Variants in PCDHGA12 observed in about 807,000 individuals in gnomAD.
PCDHGA12 encodes protocadherin gamma subfamily A, 12.
PCDHGA12 carries 43 observed loss-of-function variants against 61.1 expected under a neutral mutation model. The ratio of observed to expected loss-of-function variants is 0.70; its 90% CI spans 0.55 to 0.91. The LOEUF (loss-of-function observed/expected upper bound fraction) is 0.91. PCDHGA12 is among the 40% of genes least tolerant of loss of function. The pLI is 0.00. For missense variants in PCDHGA12, 1,236 were observed against 1,227.7 expected (o/e 1.01, Z -0.10); for synonymous variants, 520 against 542.9 (o/e 0.96, Z 0.59).
chr5:141,433,045 C>T lies in PCDHGA12; in HGVS notation c.2286C>T (p.Asp762=), dbSNP rs1183696623. The T allele has an allele frequency of 6.2e-7, 1 of 1,614,196 alleles. No individual in the cohort carries two copies. Among genetic ancestry groups the T allele is most frequent in the South Asian group, 1.1e-5 (1 of 91,090 alleles). The change falls in exon 1 of 4, where the codon GAC becomes GAT. Residue 762 remains aspartate (D), a synonymous_variant. Transcript: ENST00000252085. Reference sequence around the variant, plus strand: ...CCCACGAGGTTTCCCTCACCACGGACTCGCGGAAGAGTCACCTGATCTTCC... The same window carrying T: ...CCCACGAGGTTTCCCTCACCACGGATTCGCGGAAGAGTCACCTGATCTTCC... ...TYSHEVSLTT[D]SRKSHLIFPQ...
chr5:141,453,870 C>A (rs932804656), intron 1 of PCDHGA12, among the ~76,000 whole-genome samples: 2 of 152,146 alleles, frequency 1.3e-5, no homozygotes, highest in African/African-American at 4.8e-5. Context: ...AACAGATGAG[C>A]AAAATAATGT....
chr5:141,454,796 A>ATTTTTTTTTTTTTT lies in PCDHGA12; in HGVS notation c.2424+21629_2424+21642dup, dbSNP rs61612330. ...AAGGAAATAATCCTCCATGGTTCTA[A>ATTTTTTTTTTTTTT]TTTTTTTTTTTTTTTTTTTTTTTTT... On this transcript the variant is annotated intron_variant, in intron 1 of 3. Coordinates refer to ENST00000252085, the MANE Select transcript of PCDHGA12 (RefSeq NM_003735.3). 1.1e-3 allele frequency among the ~76,000 whole-genome samples: 87 copies of ATTTTTTTTTTTTTT among 77,456 alleles called. 11 individuals carry two copies. The highest frequency in any genetic ancestry group is 1.4e-3 in the Admixed American group (8 of 5,554). The allele number at this position is 77,456 out of a possible 152,430, so 50.8% of individuals were successfully genotyped here.
At chr5:141,433,237 A>G in intron 1 of PCDHGA12, 54 bp downstream of exon 1, 1 of 1,495,940 alleles carries the variant, frequency 6.7e-7, no homozygotes, top group South Asian at 1.3e-5. Flanking sequence ...TCTGTCTCCC[A>G]AGCTGGAATG....
At chr5:141,472,003 A>T (rs1450802255) in intron 1 of PCDHGA12, among the ~76,000 whole-genome samples, 1 of 152,176 alleles carries the variant, frequency 6.6e-6, no homozygotes, top group Non-Finnish European at 1.5e-5. Context: ...CCTGCATCGT[A>T]TAGGGGCACT....
intron 1 of PCDHGA12, among the ~76,000 whole-genome samples, chr5:141,450,826 A>T (rs965147554): frequency 1.9e-4 from 26 of 134,356 alleles, no homozygotes; most frequent in East Asian, 6.4e-4. Context: ...TATTATTATT[A>T]TTATTTTTTT....
intron 3 of PCDHGA12, among the ~76,000 whole-genome samples, chr5:141,506,300 T>G (rs2099852124): frequency 6.6e-6 from 1 of 151,976 alleles, no homozygotes; most frequent in East Asian, 1.9e-4. Flanking sequence ...AATACAAAAA[T>G]TAGCTGGGCA....
chr5:141,468,950 T>TG (rs752125489), intron 1 of PCDHGA12, among the ~76,000 whole-genome samples: 34 of 140,680 alleles, frequency 2.4e-4, no homozygotes, highest in African/African-American at 4.9e-4. Context: ...GGTAAACCTG[T>TG]GGTTTTTTTT....
At chr5:141,478,306 G>A (rs1316502939) in intron 1 of PCDHGA12, 2 of 1,614,056 alleles carry the variant, frequency 1.2e-6, no homozygotes, top group South Asian at 2.2e-5. Flanking sequence ...ACCGAGCCCC[G>A]GTGAGCTCAC....
At chr5:141,495,392 G>A (rs2099760968) in intron 2 of PCDHGA12, among the ~76,000 whole-genome samples, 2 of 152,186 alleles carry the variant, frequency 1.3e-5, no homozygotes, top group Non-Finnish European at 2.9e-5. Context: ...GGCGGGGCAT[G>A]GAGCAGGCCC....
chr5:141,501,475 G>A (rs1305778190), intron 2 of PCDHGA12, among the ~76,000 whole-genome samples: 5 of 152,014 alleles, frequency 3.3e-5, no homozygotes, highest in Admixed American at 3.3e-4. Flanking sequence ...AATCCTGGAA[G>A]AGTCCCTCAT....
Position 141,487,071 on chromosome 5 carries a change from C to A in PCDHGA12, c.2425-7736C>A. On this transcript the variant is annotated intron_variant, in intron 1 of 3. Coordinates refer to ENST00000252085, the MANE Select transcript of PCDHGA12 (RefSeq NM_003735.3). The surrounding 1 kb of genome is among the most constrained non-coding windows in gnomAD (Gnocchi z 5.0). ...GCTGGGGAGGTGCGGACGGCTGTTC[C>A]TATCCCAGCTGACCTCCCACCACAG... is the stretch of plus-strand genomic sequence containing the variant. The A allele has an allele frequency of 6.2e-7, 1 of 1,614,148 alleles. No individual in the cohort carries two copies. Among genetic ancestry groups the A allele is most frequent in the Non-Finnish European group, 8.5e-7 (1 of 1,180,002 alleles).
intron 1 of PCDHGA12, among the ~76,000 whole-genome samples, chr5:141,462,990 A>T (rs181384059): frequency 1.8e-3 from 278 of 152,244 alleles, no homozygotes; most frequent in Non-Finnish European, 3.4e-3. Context: ...GCCTTGGGCT[A>T]ATTTAGACCT....
chr5:141,469,565 C>T (rs1410607165), intron 1 of PCDHGA12, among the ~76,000 whole-genome samples: 1 of 152,082 alleles, frequency 6.6e-6, no homozygotes, highest in East Asian at 1.9e-4. Context: ...CAGAGTGAGA[C>T]TCTGTCTCTA....
Position 141,487,070 on chromosome 5 carries a change from C to T in PCDHGA12, c.2425-7737C>T. ...TGCTGGGGAGGTGCGGACGGCTGTT[C>T]CTATCCCAGCTGACCTCCCACCACA... On this transcript the variant is annotated intron_variant, in intron 1 of 3. Coordinates refer to ENST00000252085, the MANE Select transcript of PCDHGA12 (RefSeq NM_003735.3). This position sits in a 1 kb window ranked among gnomAD's most constrained non-coding sequence, Gnocchi z 5.0. The T allele has an allele frequency of 6.2e-7, 1 of 1,614,154 alleles. No homozygotes were observed. Among genetic ancestry groups the T allele is most frequent in the Non-Finnish European group, 8.5e-7 (1 of 1,180,008 alleles).
At chr5:141,458,081 GTAAGT>G (rs2098936973) in intron 1 of PCDHGA12, among the ~76,000 whole-genome samples, 1 of 152,186 alleles carries the variant, frequency 6.6e-6, no homozygotes, top group Non-Finnish European at 1.5e-5. Context: ...CTATATTGCC[GTAAGT>G]TAAGAGTACT....
In PCDHGA12 at chr5:141,489,201, G is replaced by A. The variant is rs757039294; in HGVS notation, c.2425-5606G>A. ...AGCCCTGGGTCTACCTTGGAGACAG[G>A]ACAGCACAGACTTACTCTCCACAAA... On this transcript the variant is annotated intron_variant, in intron 1 of 3. Coordinates refer to ENST00000252085, the MANE Select transcript of PCDHGA12 (RefSeq NM_003735.3). This position sits in a 1 kb window ranked among gnomAD's most constrained non-coding sequence, Gnocchi z 4.5. The A allele has an allele frequency of 7.8e-6, 11 of 1,416,092 alleles. No individual in the cohort carries two copies. In the African/African-American group the frequency reaches 1.3e-4, roughly 17 times the overall value. 87.7% of individuals were successfully genotyped at this position (1,416,092 alleles called of 1,614,324 possible).
chr5:141,435,990 T>C (rs1175877769), intron 1 of PCDHGA12, among the ~76,000 whole-genome samples: 1 of 152,162 alleles, frequency 6.6e-6, no homozygotes, highest in Non-Finnish European at 1.5e-5. Flanking sequence ...TTGTGTGATT[T>C]TTTGAAAGAA....
At chr5:141,460,043 A>G (rs527752346) in intron 1 of PCDHGA12, among the ~76,000 whole-genome samples, 1 of 152,276 alleles carries the variant, frequency 6.6e-6, no homozygotes, top group South Asian at 2.1e-4. Context: ...GCACCACTGC[A>G]CTCCAGCCTG....
chr5:141,494,891 C>G, intron 2 of PCDHGA12, 26 bp downstream of exon 2: 1 of 1,614,098 alleles, frequency 6.2e-7, no homozygotes. Flanking sequence ...TCCAGCCCAC[C>G]CTCTTCTCTG....
Sources: gnomAD v4.1 joint callset for allele counts (sites outside exome capture counted in the v4.1 genomes callset) on GRCh38, gnomAD v4.1.1 for gene constraint, Gnocchi (gnomAD v3.1) non-coding constraint, MANE v1.5 for transcripts, NCBI Gene and HGNC (gene_info 2026-07-23, HGNC 2026-07-21) for gene names.